Variants in SF3A1 observed in about 807,000 individuals in gnomAD.
SF3A1 encodes the protein splicing factor 3a subunit 1.
In SF3A1, 13 loss-of-function variants were observed where a neutral mutation model predicts 89.9. The ratio of observed to expected loss-of-function variants is 0.14; its 90% CI spans 0.09 to 0.23. The LOEUF (loss-of-function observed/expected upper bound fraction) is 0.23. Ranked by LOEUF, SF3A1 falls within the 10% of genes least tolerant of loss-of-function variation. The pLI is 1.00. For missense variants in SF3A1, 604 were observed against 1,022.1 expected (o/e 0.59, Z 5.58); for synonymous variants, 405 against 374.4 (o/e 1.08, Z -0.94).
Position 30,340,198 on chromosome 22 carries a change from G to A in SF3A1, c.1373C>T (p.Pro458Leu), listed in dbSNP as rs1292851438. The change falls in exon 9 of 16, where the codon CCA (proline) becomes CTA (leucine). Residue 458 changes from proline (P) to leucine (L), a missense_variant and splice_region_variant. By Grantham distance (98) the Pro-to-Leu change is moderately conservative. Coordinates refer to ENST00000215793, the MANE Select transcript of SF3A1 (RefSeq NM_005877.6). ...CTCTCCTGGAACCCCCACCTCACCT[G>A]GTGCGTACACCTCATCATCGCTCTG... ...EKQSDDEVYA[P>L]GLDIESSLKQ... The A allele has an allele frequency of 1.4e-5, 22 of 1,536,962 alleles. No individual in the cohort carries two copies. Among genetic ancestry groups the A allele is most frequent in the Non-Finnish European group, 1.9e-5 (22 of 1,144,316 alleles).
At chr22:30,340,438 A>C in intron 8 of SF3A1, 57 bp from the exon 9 acceptor site, 2 of 1,550,098 alleles carry the variant, frequency 1.3e-6, no homozygotes, top group Non-Finnish European at 1.8e-6. Context: ...CTGAGTTAAG[A>C]GGGTGGTATT....
intron 12 of SF3A1, 52 bp downstream of exon 12, chr22:30,337,638 G>T: frequency 1.1e-6 from 1 of 877,946 alleles, no homozygotes; most frequent in Non-Finnish European, 1.9e-6. Flanking sequence ...GACAGTACTT[G>T]GCCCGTGGTC....
At chr22:30,345,268 G>T (rs915773078) in intron 3 of SF3A1, 78 bp from the exon 4 acceptor site, 26 of 1,359,976 alleles carry the variant, frequency 1.9e-5, no homozygotes, top group Middle Eastern at 1.9e-4. Flanking sequence ...GGGGACATGG[G>T]CATGCACCCC....
chr22:30,334,937 G>A (rs1047946310), intron 15 of SF3A1, among the ~76,000 whole-genome samples: 2 of 152,068 alleles, frequency 1.3e-5, no homozygotes, highest in African/African-American at 4.8e-5. Flanking sequence ...CCAAAAAGTT[G>A]GCCCCTCACC....
At chr22:30,337,665 G>A in intron 12 of SF3A1, 25 bp downstream of exon 12, 2 of 1,051,456 alleles carry the variant, frequency 1.9e-6, no homozygotes, top group South Asian at 1.3e-5. Flanking sequence ...CTAATGGCCT[G>A]GAAAATGATG....
In SF3A1 at chr22:30,338,644, T is replaced by G. The variant is rs993538995; in HGVS notation, c.1743+145A>C. 29 of 997,296 alleles carry G rather than the reference T, an allele frequency of 2.9e-5. 1 individual carries two copies. In the South Asian group the frequency reaches 4.6e-4, roughly 16 times the overall value. The allele number at this position is 997,296 out of a possible 1,614,324, so 61.8% of individuals were successfully genotyped here. ...ACAGATCAAGAGAGAGGTTCCCACT[T>G]GCATTTAAAGGGCTCTTTCTCTTTC... On this transcript the variant is annotated intron_variant, in intron 11 of 15. Transcript: ENST00000215793.
At chr22:30,347,199 A>G (rs1931447707) in intron 2 of SF3A1, among the ~76,000 whole-genome samples, 1 of 152,210 alleles carries the variant, frequency 6.6e-6, no homozygotes, top group South Asian at 2.1e-4. Context: ...CAGGAGGCTG[A>G]GGTGGGAGGA....
chr22:30,350,811 A>C, intron 2 of SF3A1, among the ~76,000 whole-genome samples: 1 of 152,196 alleles, frequency 6.6e-6, no homozygotes, highest in Admixed American at 6.5e-5. Context: ...GTATCAGGGG[A>C]AAAGGGGAGG....
chr22:30,354,474 C>T (rs543119726), intron 1 of SF3A1, among the ~76,000 whole-genome samples: 20 of 152,314 alleles, frequency 1.3e-4, no homozygotes, highest in African/African-American at 4.3e-4. Flanking sequence ...CTTCCTGACC[C>T]GTTTCACCTC....
At chr22:30,339,484 T>A (rs549196985) in intron 9 of SF3A1, among the ~76,000 whole-genome samples, 5 of 152,290 alleles carry the variant, frequency 3.3e-5, no homozygotes, top group Middle Eastern at 3.4e-3. Context: ...CCAGGCACAG[T>A]GGCTCATGCT....
At chr22:30,350,312 A>AAAAAAAAAC (rs71198543) in intron 2 of SF3A1, among the ~76,000 whole-genome samples, 8 of 149,418 alleles carry the variant, frequency 5.4e-5, no homozygotes, top group Non-Finnish European at 9.0e-5. Context: ...ACTAAAAAAA[A>AAAAAAAAAC]TAAAAAAAAT....
intron 8 of SF3A1, 57 bp downstream of exon 8, chr22:30,340,636 CAT>C (rs1231328862): frequency 1.6e-5 from 17 of 1,070,982 alleles, no homozygotes; most frequent in East Asian, 9.5e-5. Flanking sequence ...GTGAGGAACA[CAT>C]GAGGGCACAC....
chr22:30,345,057 C>T lies in SF3A1; in HGVS notation c.527G>A (p.Arg176Lys), dbSNP rs575533391. The part of the protein sequence containing the change: ...VVKLTAQFVA[R>K]NGRQFLTQLM... ...CTGGGTCAGAAACTGGCGCCCATTC[C>T]TGGCCACAAACTGAGCCGTCAGCTT... The change falls in exon 4 of 16, where the codon AGG becomes AAG. Residue 176 changes from arginine to lysine, a missense_variant. Transcript: ENST00000215793. 2 of 1,614,232 alleles carry T rather than the reference C, an allele frequency of 1.2e-6. No individual in the cohort carries two copies. Among genetic ancestry groups the T allele is most frequent in the Admixed American group, 1.7e-5 (1 of 60,032 alleles).
intron 4 of SF3A1, among the ~76,000 whole-genome samples, chr22:30,344,053 A>T (rs1279502808): frequency 2.0e-5 from 3 of 152,242 alleles, no homozygotes; most frequent in African/African-American, 7.2e-5. Context: ...TGCACTTTGC[A>T]ATAAATTAAT....
In SF3A1 at chr22:30,356,719, G is replaced by A; in HGVS notation, c.63+11C>T. The A allele has an allele frequency of 1.3e-6, 2 of 1,487,460 alleles. No individual in the cohort carries two copies. Among genetic ancestry groups the A allele is most frequent in the South Asian group, 1.3e-5 (1 of 75,678 alleles). The allele number at this position is 1,487,460 out of a possible 1,614,324, so 92.1% of individuals were successfully genotyped here. ...CCTCCGGCTGCAGGCTGAGGGGCGG[G>A]GGAGAGGTACCTGTTTGGGCTCCGT... On this transcript the variant is annotated intron_variant, in intron 1 of 15. Coordinates refer to ENST00000215793, the MANE Select transcript of SF3A1 (RefSeq NM_005877.6).
chr22:30,342,861 C>T lies in SF3A1; in HGVS notation c.670G>A (p.Gly224Ser). ...QYTKILIPPK[G>S]LFSKLKKEAE... ...TCTTTCTTGAGCTTTGAAAATAAAC[C>T]TTTGGGTGGAATCAAGATCTGAAAT... The change falls in exon 5 of 16, where the codon GGT becomes AGT. Residue 224 changes from glycine to serine, a missense_variant. By Grantham distance (56) the Gly-to-Ser change is moderately conservative. Coordinates refer to ENST00000215793, the MANE Select transcript of SF3A1 (RefSeq NM_005877.6). 1 of 1,612,482 alleles carries T rather than the reference C, an allele frequency of 6.2e-7. No individual in the cohort carries two copies. Among genetic ancestry groups the T allele is most frequent in the Non-Finnish European group, 8.5e-7 (1 of 1,178,966 alleles).
chr22:30,336,756 G>C (rs1046891138), intron 13 of SF3A1, among the ~76,000 whole-genome samples: 2 of 152,104 alleles, frequency 1.3e-5, no homozygotes, highest in Non-Finnish European at 2.9e-5. Context: ...GGGTCTCCCT[G>C]TTGGCCTCTG....
chr22:30,339,362 A>C (rs368469340), intron 9 of SF3A1, 111 bp from the exon 10 acceptor site: 28 of 1,306,218 alleles, frequency 2.1e-5, no homozygotes, highest in African/African-American at 7.3e-5. Context: ...CCATGGGATG[A>C]GGGTGACTCA....
At chr22:30,350,829 A>G (rs1183661934) in intron 2 of SF3A1, among the ~76,000 whole-genome samples, 2 of 152,242 alleles carry the variant, frequency 1.3e-5, no homozygotes, top group Non-Finnish European at 2.9e-5. Context: ...AGGCATGAAC[A>G]CTGCTAAGAG....
Sources: gnomAD v4.1 joint callset for allele counts (sites outside exome capture counted in the v4.1 genomes callset) on GRCh38, gnomAD v4.1.1 for gene constraint, MANE v1.5 for transcripts, NCBI Gene and HGNC (gene_info 2026-07-23, HGNC 2026-07-21) for gene names.